The following TENM2 variants were observed in gnomAD, a reference collection of about 807,000 sequenced individuals.
TENM2 encodes teneurin transmembrane protein 2.
In TENM2, 52 loss-of-function variants were observed where a neutral mutation model predicts 245.2. The ratio of observed to expected loss-of-function variants is 0.21; its 90% CI spans 0.17 to 0.27. The LOEUF is 0.27. Among genes scored for constraint, TENM2 ranks in the 10% least tolerant of loss-of-function variants. TENM2 has a pLI of 1.00. For missense variants in TENM2, 3,046 were observed against 3,666.8 expected (o/e 0.83, Z 4.37); for synonymous variants, 1,363 against 1,438.9 (o/e 0.95, Z 1.19).
At chr5:168,119,921 G>C (rs946648782) in intron 10 of TENM2, among the ~76,000 whole-genome samples, 5 of 152,068 alleles carry the variant, frequency 3.3e-5, no homozygotes, top group South Asian at 2.1e-4. Flanking sequence ...GGCTAACAAG[G>C]GATCTCAGGT....
At chr5:167,993,325 G>C (rs1324612624) in intron 5 of TENM2, 143 bp downstream of exon 7, 1 of 653,444 alleles carries the variant, frequency 1.5e-6, no homozygotes, top group Non-Finnish European at 2.6e-6. Flanking sequence ...GTGATGGATG[G>C]AGGTGATTTT....
chr5:167,201,088 A>T, the TENM2 span, among the ~76,000 whole-genome samples: 1 of 152,118 alleles, frequency 6.6e-6, no homozygotes, highest in Non-Finnish European at 1.5e-5. Flanking sequence ...AAGTCTTTCG[A>T]ATATTTTTTT....
chr5:166,992,678 A>G, the TENM2 span, among the ~76,000 whole-genome samples: 6 of 152,182 alleles, frequency 3.9e-5, no homozygotes, highest in Non-Finnish European at 8.8e-5. Context: ...GTAACAAGAG[A>G]TCTCTCCAAA....
intron 2 of TENM2, among the ~76,000 whole-genome samples, chr5:167,436,855 C>G (rs1395934239): frequency 6.6e-6 from 1 of 152,140 alleles, no homozygotes; most frequent in Non-Finnish European, 1.5e-5. Context: ...TGCAGGTGCA[C>G]AGAAGTCAAG....
chr5:167,744,850 A>T (rs1761448979), intron 2 of TENM2, among the ~76,000 whole-genome samples: 1 of 152,160 alleles, frequency 6.6e-6, no homozygotes, highest in African/African-American at 2.4e-5. Context: ...AAAACAAAAA[A>T]ACCGTGATGG....
chr5:167,955,459 C>A (rs1313093905), intron 4 of TENM2, among the ~76,000 whole-genome samples: 1 of 152,120 alleles, frequency 6.6e-6, no homozygotes, highest in Non-Finnish European at 1.5e-5. Flanking sequence ...TGTGGGGAAG[C>A]TCTTTAGTTT....
At chr5:167,136,138 A>G in the TENM2 span, among the ~76,000 whole-genome samples, 1 of 152,200 alleles carries the variant, frequency 6.6e-6, no homozygotes, top group African/African-American at 2.4e-5. Flanking sequence ...AGTCTTTTGT[A>G]AATTTAGTTC....
chr5:167,183,602 T>G, the TENM2 span, among the ~76,000 whole-genome samples: 1 of 152,176 alleles, frequency 6.6e-6, no homozygotes, highest in Non-Finnish European at 1.5e-5. Flanking sequence ...TGTTTGAGTT[T>G]CAACTTGGGG....
chr5:167,996,306 T>C (rs1051017183), intron 5 of TENM2, among the ~76,000 whole-genome samples: 1 of 152,012 alleles, frequency 6.6e-6, no homozygotes, highest in African/African-American at 2.4e-5. Flanking sequence ...CAGAGAACTT[T>C]TATGATCTGC....
At chr5:167,768,132 T>C (rs116357847) in intron 2 of TENM2, among the ~76,000 whole-genome samples, 3,517 of 152,272 alleles carry the variant, frequency 0.023, 65 homozygotes, top group Middle Eastern at 0.078. Flanking sequence ...TGTGCTGTGT[T>C]GACATTCATT....
intron 2 of TENM2, among the ~76,000 whole-genome samples, chr5:167,436,784 G>A (rs1248481820): frequency 1.3e-5 from 2 of 152,260 alleles, no homozygotes; most frequent in Admixed American, 6.5e-5. Context: ...CATACAGCTC[G>A]GGCTCTTCCT....
At chr5:167,617,678 T>C (rs1489322267) in intron 2 of TENM2, among the ~76,000 whole-genome samples, 1 of 152,160 alleles carries the variant, frequency 6.6e-6, no homozygotes, top group African/African-American at 2.4e-5. Flanking sequence ...AGGCTTCGTG[T>C]TTGAACAGTC....
chr5:167,243,886 C>T, the TENM2 span, among the ~76,000 whole-genome samples: 1 of 152,140 alleles, frequency 6.6e-6, no homozygotes, highest in Non-Finnish European at 1.5e-5. Context: ...AGTCTAAAAT[C>T]CTTAGATTGG....
intron 12 of TENM2, among the ~76,000 whole-genome samples, chr5:168,153,790 C>A (rs556378138): frequency 6.6e-6 from 1 of 152,254 alleles, no homozygotes; most frequent in East Asian, 1.9e-4. Context: ...ATGTGTATGT[C>A]TAACAAGTTC....
At chr5:168,248,233 G>T (rs1310705419) in exon 27 of TENM2, 2 of 1,614,042 alleles carry the variant, frequency 1.2e-6, no homozygotes, top group South Asian at 2.2e-5. Flanking sequence ...TGATTATGAT[G>T]TGCTGGCAGG....
At chr5:167,199,229 T>C in the TENM2 span, among the ~76,000 whole-genome samples, 1 of 152,068 alleles carries the variant, frequency 6.6e-6, no homozygotes, top group Non-Finnish European at 1.5e-5. Flanking sequence ...TAAGAATTTA[T>C]TGAGTTGCTC....
chr5:167,440,417 G>A (rs1218470486), intron 2 of TENM2, among the ~76,000 whole-genome samples: 1 of 152,146 alleles, frequency 6.6e-6, no homozygotes, highest in Admixed American at 6.5e-5. Context: ...GCATTGAAAA[G>A]GATTATGAAG....
intron 5 of TENM2, among the ~76,000 whole-genome samples, chr5:168,004,036 T>C (rs1464217096): frequency 6.6e-6 from 1 of 152,224 alleles, no homozygotes; most frequent in East Asian, 1.9e-4. Context: ...TGAATGTGGC[T>C]GTTGGTTCTC....
the TENM2 span, among the ~76,000 whole-genome samples, chr5:167,066,939 A>C: frequency 6.6e-6 from 1 of 152,224 alleles, no homozygotes; most frequent in South Asian, 2.1e-4. Flanking sequence ...CTAGGCCTCC[A>C]TATGAGTACT....
Sources: gnomAD v4.1 joint callset for allele counts (sites outside exome capture counted in the v4.1 genomes callset) on GRCh38, gnomAD v4.1.1 for gene constraint, MANE v1.5 for transcripts, NCBI Gene and HGNC (gene_info 2026-07-23, HGNC 2026-07-21) for gene names.